The following CNTNAP5 variants were observed in gnomAD, a reference collection of about 807,000 sequenced individuals.
The protein encoded by CNTNAP5 is contactin associated protein family member 5.
CNTNAP5 carries 72 observed loss-of-function variants against 150.2 expected under a neutral mutation model. The ratio of observed to expected loss-of-function variants is 0.48; its 90% CI spans 0.40 to 0.58. The LOEUF is 0.58. CNTNAP5 is among the 20% of genes least tolerant of loss of function. The pLI, the probability that CNTNAP5 is intolerant of heterozygous loss-of-function variation, is 0.00. For synonymous variants in CNTNAP5, 672 were observed against 619.8 expected (o/e 1.08, Z -1.25); for missense variants, 1,636 against 1,626.2 (o/e 1.01, Z -0.10).
At chr2:124,777,691 ACTT>A (rs566237162) in intron 17 of CNTNAP5, among the ~76,000 whole-genome samples, 142 of 150,906 alleles carry the variant, frequency 9.4e-4, no homozygotes, top group African/African-American at 3.2e-3. Flanking sequence ...TTTGTCTACA[ACTT>A]CTTCTGCTTT....
At chr2:124,584,591 A>G (rs1158401861) in intron 11 of CNTNAP5, among the ~76,000 whole-genome samples, 1 of 152,224 alleles carries the variant, frequency 6.6e-6, no homozygotes, top group Non-Finnish European at 1.5e-5. Context: ...ACAGCTTGAA[A>G]AATAGACATT....
chr2:124,050,368 G>T (rs1305226514), intron 1 of CNTNAP5, among the ~76,000 whole-genome samples: 1 of 152,074 alleles, frequency 6.6e-6, no homozygotes, highest in Non-Finnish European at 1.5e-5. Flanking sequence ...GAAGGCTAAG[G>T]TGGGAGGATT....
intron 3 of CNTNAP5, among the ~76,000 whole-genome samples, chr2:124,309,068 C>T (rs1045583654): frequency 6.6e-5 from 10 of 152,124 alleles, no homozygotes; most frequent in African/African-American, 2.4e-4. Flanking sequence ...GACATACACA[C>T]CTATAATAAT....
At chr2:124,715,988 A>T (rs770907749) in intron 13 of CNTNAP5, among the ~76,000 whole-genome samples, 2 of 152,124 alleles carry the variant, frequency 1.3e-5, no homozygotes, top group African/African-American at 2.4e-5. Context: ...CTCTAAAACT[A>T]ATTCTACTGA....
intron 2 of CNTNAP5, among the ~76,000 whole-genome samples, chr2:124,225,418 C>T (rs1686431367): frequency 6.6e-6 from 1 of 152,132 alleles, no homozygotes; most frequent in Non-Finnish European, 1.5e-5. Context: ...AGAATAACTT[C>T]AGTGTTTTAG....
chr2:124,188,785 G>T (rs1177600131), intron 1 of CNTNAP5, among the ~76,000 whole-genome samples: 1 of 151,128 alleles, frequency 6.6e-6, no homozygotes, highest in Non-Finnish European at 1.5e-5. Context: ...GAGAGACAAT[G>T]GGACAGAAAG....
intron 1 of CNTNAP5, among the ~76,000 whole-genome samples, chr2:124,159,541 T>G (rs1386166000): frequency 6.6e-6 from 1 of 152,334 alleles, no homozygotes; most frequent in East Asian, 1.9e-4. Flanking sequence ...GAACACTTTG[T>G]CCCAGTTGTC....
chr2:124,748,571 A>G (rs1432362917), intron 14 of CNTNAP5, among the ~76,000 whole-genome samples: 3 of 152,178 alleles, frequency 2.0e-5, no homozygotes, highest in Non-Finnish European at 2.9e-5. Flanking sequence ...ATTTTAATTA[A>G]AAATTCTTAT....
chr2:124,254,388 C>G lies in CNTNAP5; in HGVS notation c.381+11995C>G, dbSNP rs182539470. ...CATGGCATGCCAGTGTCTGTTGGCTCTGCTGGTAAGGGGGGCAGTCTCCCT... is the reference window on the plus strand; with the variant it reads ...CATGGCATGCCAGTGTCTGTTGGCTGTGCTGGTAAGGGGGGCAGTCTCCCT... On this transcript the variant is annotated intron_variant, in intron 3 of 23. Coordinates refer to ENST00000682447, the MANE Select transcript of CNTNAP5 (RefSeq NM_001367498.1). Among the ~76,000 whole-genome samples, 100 of 152,286 alleles carry G rather than the reference C, an allele frequency of 6.6e-4. 1 individual carries two copies. The highest frequency in any genetic ancestry group is 6.0e-3 in the Admixed American group (91 of 15,292).
At chr2:124,767,552 G>A (rs949522641) in intron 16 of CNTNAP5, among the ~76,000 whole-genome samples, 2 of 152,152 alleles carry the variant, frequency 1.3e-5, no homozygotes, top group Non-Finnish European at 2.9e-5. Context: ...AACCCAATGT[G>A]GATTTGAACT....
chr2:124,350,270 C>T (rs1689845467), intron 3 of CNTNAP5, among the ~76,000 whole-genome samples: 1 of 151,978 alleles, frequency 6.6e-6, no homozygotes, highest in African/African-American at 2.4e-5. Flanking sequence ...ACCTTTGTTC[C>T]AAAGTAAATT....
chr2:124,732,073 G>A (rs1680283891), intron 13 of CNTNAP5, among the ~76,000 whole-genome samples: 1 of 152,042 alleles, frequency 6.6e-6, no homozygotes, highest in Non-Finnish European at 1.5e-5. Flanking sequence ...TTTTAAAAAT[G>A]TATTACAATG....
At chr2:124,689,136 C>A (rs1679251702) in intron 13 of CNTNAP5, among the ~76,000 whole-genome samples, 2 of 152,108 alleles carry the variant, frequency 1.3e-5, no homozygotes, top group African/African-American at 4.8e-5. Flanking sequence ...CCACCACGCC[C>A]AGCTCAGTAG....
rs559180773 is a variant in CNTNAP5 at position 124,858,292 on chromosome 2, A to T, written c.3218-7014A>T. Among the ~76,000 whole-genome samples, 3 of 152,338 alleles carry T rather than the reference A, an allele frequency of 2.0e-5. No homozygotes were observed. In the South Asian group the frequency reaches 6.2e-4, roughly 32 times the overall value. On this transcript the variant is annotated intron_variant, in intron 19 of 23. Transcript: ENST00000682447. ...ACCTGTTTGCAGATGGCATGACTGT[A>T]TATCTAAAACACCCCATCATCTCAG...
At position 124,767,473 on chromosome 2, in the gene CNTNAP5, G is replaced by C. The variant is rs550574206; in HGVS notation, c.2533+3326G>C. Among the ~76,000 whole-genome samples the C allele has an allele frequency of 2.4e-4, 37 of 152,294 alleles. 1 individual carries two copies. The South Asian group carries it at 6.6e-3, about 27-fold the overall frequency. On this transcript the variant is annotated intron_variant, in intron 16 of 23. Coordinates refer to ENST00000682447, the MANE Select transcript of CNTNAP5 (RefSeq NM_001367498.1). The stretch of plus-strand genomic sequence containing the variant: ...TGTACAGGTAGAAATTGATATTTTA[G>C]AGTAGATGAGATCAGAAGGAAATGG...
At chr2:124,076,024 C>T (rs1682428532) in intron 1 of CNTNAP5, among the ~76,000 whole-genome samples, 2 of 152,036 alleles carry the variant, frequency 1.3e-5, no homozygotes, top group Admixed American at 1.3e-4. Flanking sequence ...TATGAGTTTG[C>T]CCATGATATG....
At chr2:124,463,486 G>C (rs959230516) in intron 6 of CNTNAP5, among the ~76,000 whole-genome samples, 3 of 152,134 alleles carry the variant, frequency 2.0e-5, no homozygotes, top group African/African-American at 7.2e-5. Context: ...ATATAGGGCT[G>C]CCCTGTCAGC....
intron 3 of CNTNAP5, among the ~76,000 whole-genome samples, chr2:124,305,290 AAG>A (rs1688660467): frequency 6.6e-6 from 1 of 151,954 alleles, no homozygotes; most frequent in Non-Finnish European, 1.5e-5. Flanking sequence ...ACAAACAAAA[AAG>A]GTGACACTGC....
At chr2:124,103,887 T>G (rs1227697473) in intron 1 of CNTNAP5, among the ~76,000 whole-genome samples, 1 of 147,708 alleles carries the variant, frequency 6.8e-6, no homozygotes, top group Non-Finnish European at 1.5e-5. Context: ...TAAATATAAT[T>G]TATATATTAC....
Sources: gnomAD v4.1 joint callset for allele counts (sites outside exome capture counted in the v4.1 genomes callset) on GRCh38, gnomAD v4.1.1 for gene constraint, MANE v1.5 for transcripts, NCBI Gene and HGNC (gene_info 2026-07-23, HGNC 2026-07-21) for gene names.